Variants in SLC27A2 observed in about 807,000 individuals in gnomAD.
SLC27A2 encodes long-chain fatty acid transport protein 2.
Under a neutral mutation model 60.0 loss-of-function variants are expected in SLC27A2, and 54 were observed. The observed-to-expected ratio is 0.90, with a 90% CI of 0.72 to 1.13. The LOEUF is 1.13. Ranked by LOEUF, SLC27A2 falls within the 50% of genes most tolerant of loss-of-function variation. SLC27A2 has a pLI of 0.00. For missense variants in SLC27A2, 739 were observed against 777.6 expected, an observed-to-expected ratio of 0.95 and a Z score of 0.59; for synonymous variants, 297 against 297.6, an observed-to-expected ratio of 1.00 and a Z score of 0.02.
chr15:50,216,578 G>T (rs2045196853), intron 4 of SLC27A2, among the ~76,000 whole-genome samples: 1 of 132,020 alleles, frequency 7.6e-6, no homozygotes, highest in Non-Finnish European at 1.6e-5. Context: ...CAATCAACAA[G>T]TGGATAAAGA....
chr15:50,226,077 AG>A lies in SLC27A2; in HGVS notation c.1258+1del. ...ENGYCVRVPKGEVGLLVCKIT... is the reference protein window; with the variant it reads ...ENGYCVRVPKXEVGLLVCKIT... Reference sequence around the variant, plus strand: ...ATGGATATTGCGTCAGAGTTCCCAAAGGTACAGTGGACTTTTGTTCAATCAA... The same window carrying A: ...ATGGATATTGCGTCAGAGTTCCCAAAGTACAGTGGACTTTTGTTCAATCAA... On this transcript the variant is annotated frameshift_variant and splice_region_variant, in exon 6 of 10. Transcript: ENST00000267842. LOFTEE classifies it high-confidence loss of function. 6.3e-7 allele frequency: 1 copy of A among 1,597,472 alleles called. No individual in the cohort carries two copies. Among genetic ancestry groups the A allele is most frequent in the Non-Finnish European group, 8.6e-7 (1 of 1,164,878 alleles).
Position 50,197,540 on chromosome 15 carries a change from A to G in SLC27A2, c.519A>G (p.Lys173=). ...TCGAAGAGATACTGCCAAGCCTTAA[A>G]AAAGATGATGTGTCCATCTATTATG... ...AAVEEILPSL[K]KDDVSIYYVS... The change falls in exon 2 of 10, where the codon AAA becomes AAG. Residue 173 remains lysine, a synonymous_variant. Transcript: ENST00000267842. 1 of 1,614,150 alleles carries G rather than the reference A, an allele frequency of 6.2e-7. No individual in the cohort carries two copies. The highest frequency in any genetic ancestry group is 8.5e-7 in the Non-Finnish European group (1 of 1,179,998).
chr15:50,226,640 G>A (rs2045280317), intron 6 of SLC27A2, among the ~76,000 whole-genome samples: 1 of 152,194 alleles, frequency 6.6e-6, no homozygotes, highest in Admixed American at 6.5e-5. Flanking sequence ...GCTGAGGCAG[G>A]AGAATCCCTT....
intron 4 of SLC27A2, among the ~76,000 whole-genome samples, chr15:50,216,791 AATAT>A (rs2045200760): frequency 6.9e-6 from 1 of 145,386 alleles, no homozygotes; most frequent in South Asian, 2.1e-4. Context: ...ATATTCCATA[AATAT>A]ATATCCACAA....
At chr15:50,229,532 C>G (rs1379883117) in intron 8 of SLC27A2, among the ~76,000 whole-genome samples, 4 of 152,218 alleles carry the variant, frequency 2.6e-5, no homozygotes, top group African/African-American at 9.6e-5. Flanking sequence ...GCAGCTTCAT[C>G]TGCAGATCCA....
chr15:50,228,919 T>C (rs750671000), intron 7 of SLC27A2, 26 bp from the exon 8 acceptor site: 37 of 1,531,368 alleles, frequency 2.4e-5, no homozygotes, highest in Non-Finnish European at 3.1e-5. Flanking sequence ...ACCAGTGACC[T>C]CTGCTAACTT....
chr15:50,233,279 A>G (rs2045328180), intron 8 of SLC27A2, among the ~76,000 whole-genome samples: 2 of 152,238 alleles, frequency 1.3e-5, no homozygotes, highest in Admixed American at 6.5e-5. Context: ...ATTTGTGCCC[A>G]GAAGTGCAAC....
chr15:50,189,027 A>ATAGG (rs1197925893), intron 1 of SLC27A2, among the ~76,000 whole-genome samples: 4 of 151,896 alleles, frequency 2.6e-5, no homozygotes, highest in African/African-American at 9.7e-5. Context: ...AGATAGATAG[A>ATAGG]TGCATACAAA....
intron 2 of SLC27A2, among the ~76,000 whole-genome samples, chr15:50,198,652 T>A (rs1463697059): frequency 6.6e-6 from 1 of 152,098 alleles, no homozygotes; most frequent in Non-Finnish European, 1.5e-5. Flanking sequence ...AGGGATATAT[T>A]TAAAAGAAGG....
chr15:50,225,957 T>G lies in SLC27A2; in HGVS notation c.1168-31T>G, dbSNP rs771017204. ...TTAAAAAGGGAAAAATTATAAAAGA[T>G]TTATACTCAAAATTATTTTAATCTT... On this transcript the variant is annotated intron_variant, in intron 5 of 9. Transcript: ENST00000267842. The G allele has an allele frequency of 3.2e-5, 44 of 1,390,394 alleles. 3 individuals carry two copies. The highest frequency in any genetic ancestry group is 4.1e-5 in the Non-Finnish European group (40 of 984,874). The allele number at this position is 1,390,394 out of a possible 1,614,324, so 86.1% of individuals were successfully genotyped here.
At chr15:50,230,984 CTG>C (rs1187621631) in intron 8 of SLC27A2, among the ~76,000 whole-genome samples, 1 of 152,106 alleles carries the variant, frequency 6.6e-6, no homozygotes, top group Non-Finnish European at 1.5e-5. Context: ...GTCAAAATCT[CTG>C]GGGTGGGGCC....
At chr15:50,197,120 T>G (rs1320659507) in intron 1 of SLC27A2, among the ~76,000 whole-genome samples, 1 of 152,230 alleles carries the variant, frequency 6.6e-6, no homozygotes, top group Non-Finnish European at 1.5e-5. Flanking sequence ...CTGCTATGCT[T>G]GTGAAACCAT....
chr15:50,221,089 C>T (rs886327604), intron 4 of SLC27A2, among the ~76,000 whole-genome samples: 1 of 151,948 alleles, frequency 6.6e-6, no homozygotes, highest in Non-Finnish European at 1.5e-5. Context: ...ACCTGTAGTC[C>T]CAGCCACTCA....
At chr15:50,229,538 A>G (rs1188491074) in intron 8 of SLC27A2, among the ~76,000 whole-genome samples, 1 of 152,194 alleles carries the variant, frequency 6.6e-6, no homozygotes, top group African/African-American at 2.4e-5. Flanking sequence ...TCATCTGCAG[A>G]TCCACTTCTG....
At chr15:50,231,739 T>C (rs964444247) in intron 8 of SLC27A2, among the ~76,000 whole-genome samples, 5 of 152,128 alleles carry the variant, frequency 3.3e-5, no homozygotes, top group Non-Finnish European at 5.9e-5. Flanking sequence ...GGGAAGGAGA[T>C]TGACAGTCTT....
intron 9 of SLC27A2, among the ~76,000 whole-genome samples, chr15:50,235,718 T>C (rs1013800726): frequency 1.3e-5 from 2 of 152,192 alleles, no homozygotes; most frequent in African/African-American, 4.8e-5. Flanking sequence ...ATATTGTACA[T>C]GAGAAAAACA....
chr15:50,227,040 G>A lies in SLC27A2; in HGVS notation c.1319G>A (p.Gly440Glu), dbSNP rs1336821325. 1.2e-6 allele frequency: 2 copies of A among 1,614,024 alleles called. No individual in the cohort carries two copies. The highest frequency in any genetic ancestry group is 1.3e-5 in the African/African-American group (1 of 74,912). ...TQLTPFNGYA[G>E]AKAQTEKKKL... is the part of the protein sequence containing the mutation. ...CTTACACCATTTAATGGCTATGCTG[G>A]AGCAAAGGCTCAGACAGAGAAGAAA... Residue 440 changes from glycine to glutamate, a missense_variant, in exon 7 of 10, where the codon GGA becomes GAA. Gly to Glu is a moderately conservative substitution (Grantham distance 98, BLOSUM62 -2). Coordinates refer to ENST00000267842, the MANE Select transcript of SLC27A2 (RefSeq NM_003645.4).
At chr15:50,192,670 G>A (rs1279936365) in intron 1 of SLC27A2, among the ~76,000 whole-genome samples, 1 of 151,022 alleles carries the variant, frequency 6.6e-6, no homozygotes, top group Non-Finnish European at 1.5e-5. Flanking sequence ...TCAGCCTCCA[G>A]AGTAGCTGGG....
At chr15:50,194,081 C>T (rs138115968) in intron 1 of SLC27A2, among the ~76,000 whole-genome samples, 108 of 152,148 alleles carry the variant, frequency 7.1e-4, no homozygotes, top group African/African-American at 2.2e-3. Flanking sequence ...AGGAGGTTGA[C>T]GCTGCAGTAA....
Sources: gnomAD v4.1 joint callset for allele counts (sites outside exome capture counted in the v4.1 genomes callset) on GRCh38, gnomAD v4.1.1 for gene constraint, MANE v1.5 for transcripts, NCBI Gene and HGNC (gene_info 2026-07-23, HGNC 2026-07-21) for gene names.